The following CNTLN variants were observed in gnomAD, a reference collection of about 807,000 sequenced individuals.
The protein encoded by CNTLN is centlein, centrosomal protein.
In CNTLN, 212 loss-of-function variants were observed where a neutral mutation model predicts 180.0. The observed-to-expected ratio is 1.18, with a 90% CI of 1.05 to 1.32. CNTLN has a LOEUF of 1.32. CNTLN is among the 40% of genes most tolerant of loss of function. The pLI, the probability that CNTLN is intolerant of heterozygous loss-of-function variation, is 0.00. For synonymous variants in CNTLN, 722 were observed against 563.1 expected, an observed-to-expected ratio of 1.28 and a Z score of -3.99; for missense variants, 2,095 against 1,610.9, an observed-to-expected ratio of 1.30 and a Z score of -5.14.
chr9:17,491,204 C>T (rs1264813631), intron 25 of CNTLN, among the ~76,000 whole-genome samples: 2 of 152,028 alleles, frequency 1.3e-5, no homozygotes, highest in African/African-American at 4.8e-5. Context: ...GGAAATTAAG[C>T]TGAGCCTGTG....
chr9:17,204,054 GT>G (rs1246860354), intron 2 of CNTLN, among the ~76,000 whole-genome samples: 1 of 152,190 alleles, frequency 6.6e-6, no homozygotes, highest in African/African-American at 2.4e-5. Flanking sequence ...CTAGTTAGCA[GT>G]TTTTGTAACC....
At chr9:17,309,631 G>A (rs1354595991) in intron 8 of CNTLN, among the ~76,000 whole-genome samples, 1 of 151,002 alleles carries the variant, frequency 6.6e-6, no homozygotes. Flanking sequence ...CCTGGTATTC[G>A]GTACTCAGTA....
At chr9:17,486,906 C>T in intron 24 of CNTLN, 83 bp from the exon 25 acceptor site, 2 of 650,668 alleles carry the variant, frequency 3.1e-6, no homozygotes, top group Non-Finnish European at 5.4e-6. Context: ...ACTGATATTA[C>T]TCCAGATTTA....
At chr9:17,341,852 A>T (rs1821502662) in intron 11 of CNTLN, among the ~76,000 whole-genome samples, 1 of 152,168 alleles carries the variant, frequency 6.6e-6, no homozygotes, top group South Asian at 2.1e-4. Flanking sequence ...TCCTAGATTT[A>T]TCCTCTGTTC....
intron 13 of CNTLN, among the ~76,000 whole-genome samples, chr9:17,381,514 C>T (rs1825254131): frequency 6.6e-6 from 1 of 152,220 alleles, no homozygotes. Flanking sequence ...AACTACATAA[C>T]ATGGGTTACC....
chr9:17,315,312 T>C (rs1452513312), intron 8 of CNTLN, among the ~76,000 whole-genome samples: 1 of 152,134 alleles, frequency 6.6e-6, no homozygotes, highest in Non-Finnish European at 1.5e-5. Context: ...TGATATATGT[T>C]GTTTTTTGTA....
intron 13 of CNTLN, among the ~76,000 whole-genome samples, chr9:17,369,463 A>C (rs1352495881): frequency 1.3e-5 from 2 of 152,120 alleles, no homozygotes; most frequent in Non-Finnish European, 2.9e-5. Flanking sequence ...ACAGATATGT[A>C]GCCTTTCAGA....
At chr9:17,312,881 T>C (rs1044134803) in intron 8 of CNTLN, among the ~76,000 whole-genome samples, 81 of 152,300 alleles carry the variant, frequency 5.3e-4, no homozygotes, top group African/African-American at 1.9e-3. Context: ...CTTTAATGAT[T>C]GTGTTTAGTT....
At chr9:17,207,417 C>T (rs1823000583) in intron 2 of CNTLN, among the ~76,000 whole-genome samples, 1 of 152,144 alleles carries the variant, frequency 6.6e-6, no homozygotes, top group Admixed American at 6.5e-5. Flanking sequence ...AAAACTCCTG[C>T]AGCTAGCTCG....
chr9:17,420,939 A>T (rs1015301314), intron 18 of CNTLN, among the ~76,000 whole-genome samples: 6 of 152,158 alleles, frequency 3.9e-5, no homozygotes, highest in African/African-American at 1.4e-4. Context: ...ATACAATTTC[A>T]ACTTATTTGC....
intron 10 of CNTLN, among the ~76,000 whole-genome samples, chr9:17,338,356 A>G (rs1258492353): frequency 2.0e-4 from 3 of 15,350 alleles, no homozygotes; most frequent in Non-Finnish European, 3.1e-4. Context: ...TTTTTTTTTT[A>G]GAGATGGGGT....
At chr9:17,500,623 G>C (rs938187983) in intron 25 of CNTLN, among the ~76,000 whole-genome samples, 6 of 152,142 alleles carry the variant, frequency 3.9e-5, no homozygotes, top group Non-Finnish European at 8.8e-5. Context: ...GTGCCTGTTA[G>C]CCTTTTAAAG....
chr9:17,518,067 G>T, the CNTLN span, among the ~76,000 whole-genome samples: 3 of 103,898 alleles, frequency 2.9e-5, no homozygotes, highest in East Asian at 5.7e-4. Flanking sequence ...TTTTGAGACG[G>T]AGTCTTGCTT....
chr9:17,317,606 C>T (rs1412803680), intron 8 of CNTLN, among the ~76,000 whole-genome samples: 1 of 152,082 alleles, frequency 6.6e-6, no homozygotes, highest in Non-Finnish European at 1.5e-5. Flanking sequence ...AAAAATAATA[C>T]AGCATGAGAT....
At chr9:17,149,957 G>A (rs991726059) in intron 2 of CNTLN, among the ~76,000 whole-genome samples, 9 of 152,146 alleles carry the variant, frequency 5.9e-5, no homozygotes, top group African/African-American at 2.2e-4. Flanking sequence ...GTTTTCTTGT[G>A]AGAAGTGTCT....
At chr9:17,247,165 G>A (rs967169476) in intron 5 of CNTLN, among the ~76,000 whole-genome samples, 13 of 152,028 alleles carry the variant, frequency 8.6e-5, no homozygotes, top group South Asian at 2.1e-4. Flanking sequence ...TGCACCTCAC[G>A]TCCACTGGCT....
chr9:17,372,670 CA>C (rs1244017653), intron 13 of CNTLN, among the ~76,000 whole-genome samples: 4 of 151,778 alleles, frequency 2.6e-5, no homozygotes, highest in Non-Finnish European at 5.9e-5. Context: ...AAAGACACAT[CA>C]AAAAAAGGAA....
In CNTLN at chr9:17,342,389, G is replaced by A. The variant is rs751035643; in HGVS notation, c.1831G>A (p.Val611Met). 1.9e-6 allele frequency: 3 copies of A among 1,611,730 alleles called. No homozygotes were observed. Among genetic ancestry groups the A allele is most frequent in the African/African-American group, 1.3e-5 (1 of 74,948 alleles). The part of the protein sequence containing the change: ...QQLRQEDSDA[V>M]WNELAYFKRE... ...ACTTCGACAAGAAGATTCTGACGCTGTGTGGAATGAACTGGCATATTTCAA... is the reference window on the plus strand; with the variant it reads ...ACTTCGACAAGAAGATTCTGACGCTATGTGGAATGAACTGGCATATTTCAA... Residue 611 changes from valine to methionine, a missense_variant, in exon 12 of 26, where the codon GTG becomes ATG. Val to Met is a conservative substitution (Grantham distance 21, BLOSUM62 1). Transcript: ENST00000380647.
chr9:17,349,336 C>T (rs1409393573), intron 12 of CNTLN, among the ~76,000 whole-genome samples: 1 of 152,118 alleles, frequency 6.6e-6, no homozygotes, highest in African/African-American at 2.4e-5. Flanking sequence ...GTTTCATACT[C>T]AGTCTTAACT....
Sources: allele counts gnomAD v4.1 joint callset (sites outside exome capture counted in the v4.1 genomes callset), GRCh38; gene constraint gnomAD v4.1.1; transcripts MANE v1.5; gene names NCBI Gene and HGNC (gene_info 2026-07-23, HGNC 2026-07-21).